The following OSBPL6 variants were observed in gnomAD, a reference collection of about 807,000 sequenced individuals.
OSBPL6 encodes oxysterol-binding protein-related protein 6.
In OSBPL6, 49 loss-of-function variants were observed where a neutral mutation model predicts 125.8. The observed-to-expected ratio is 0.39, with a 90% CI of 0.31 to 0.49. The LOEUF is 0.49. OSBPL6 is among the 20% of genes least tolerant of loss of function. The pLI, the probability that OSBPL6 is intolerant of heterozygous loss-of-function variation, is 0.88. For synonymous variants in OSBPL6, 394 were observed against 391.8 expected (o/e 1.01, Z -0.07); for missense variants, 986 against 1,135.4 (o/e 0.87, Z 1.89).
At chr2:178,315,980 C>G (rs1687703506) in intron 3 of OSBPL6, among the ~76,000 whole-genome samples, 1 of 152,170 alleles carries the variant, frequency 6.6e-6, no homozygotes, top group African/African-American at 2.4e-5. Context: ...CTTGGACAAA[C>G]AGAAAATCTT....
At chr2:178,300,967 A>C (rs1686222466) in intron 2 of OSBPL6, among the ~76,000 whole-genome samples, 1 of 152,142 alleles carries the variant, frequency 6.6e-6, no homozygotes, top group African/African-American at 2.4e-5. Context: ...AACAAAGAAG[A>C]ACCAAAAAAA....
At chr2:178,228,153 T>A (rs1364962889) in intron 1 of OSBPL6, among the ~76,000 whole-genome samples, 1 of 152,220 alleles carries the variant, frequency 6.6e-6, no homozygotes, top group Admixed American at 6.5e-5. Context: ...TACAAAGATA[T>A]TCCAAACAAA....
chr2:178,203,728 A>G (rs1210283418), intron 1 of OSBPL6, among the ~76,000 whole-genome samples: 1 of 152,202 alleles, frequency 6.6e-6, no homozygotes. Context: ...ATTTACTTAG[A>G]AATAGTTTCA....
Position 178,338,186 on chromosome 2 carries a change from G to T in OSBPL6, c.791-805G>T, listed in dbSNP as rs540717433. Among the ~76,000 whole-genome samples the T allele has an allele frequency of 9.5e-4, 145 of 152,072 alleles. 2 individuals carry two copies. The highest frequency in any genetic ancestry group is 2.0e-3 in the Admixed American group (30 of 15,268). On this transcript the variant is annotated intron_variant, in intron 9 of 24. Transcript: ENST00000190611. The stretch of plus-strand genomic sequence containing the variant: ...GACCTCAGGTCATCCTCCCACCTCT[G>T]CCTCCCGACGTGCTGGGATTACAGG...
chr2:178,336,071 T>A (rs1204943002), intron 8 of OSBPL6, among the ~76,000 whole-genome samples: 1 of 152,220 alleles, frequency 6.6e-6, no homozygotes, highest in Non-Finnish European at 1.5e-5. Flanking sequence ...ACAACACACT[T>A]AAATGTTGTC....
chr2:178,316,551 C>G (rs1574848535), intron 3 of OSBPL6, among the ~76,000 whole-genome samples: 1 of 152,094 alleles, frequency 6.6e-6, no homozygotes. Context: ...TTTCCAGATC[C>G]GTGGATTGAA....
intron 13 of OSBPL6, among the ~76,000 whole-genome samples, chr2:178,364,635 C>T (rs994716939): frequency 6.6e-6 from 1 of 152,026 alleles, no homozygotes; most frequent in Non-Finnish European, 1.5e-5. Flanking sequence ...GTTATTGTCC[C>T]CAAGGTGGGA....
At chr2:178,201,271 A>C (rs11891808) in intron 1 of OSBPL6, among the ~76,000 whole-genome samples, 2,701 of 152,320 alleles carry the variant, frequency 0.018, 77 homozygotes, top group African/African-American at 0.061. Flanking sequence ...ATTTTCATAG[A>C]AGCAACTCAA....
chr2:178,374,144 A>G, intron 15 of OSBPL6, 117 bp downstream of exon 15: 5 of 1,252,128 alleles, frequency 4.0e-6, no homozygotes, highest in East Asian at 2.4e-5. Context: ...TGTTTACATC[A>G]TAGTAAAATG....
At chr2:178,290,235 A>T (rs1469670218) in intron 2 of OSBPL6, among the ~76,000 whole-genome samples, 1 of 152,192 alleles carries the variant, frequency 6.6e-6, no homozygotes, top group Non-Finnish European at 1.5e-5. Context: ...AATACAGTTC[A>T]TATAGGAAGG....
At chr2:178,320,270 G>C (rs1688124708) in intron 3 of OSBPL6, 2 of 1,610,550 alleles carry the variant, frequency 1.2e-6, no homozygotes, top group Middle Eastern at 2.1e-4. Context: ...AGGAGGTATT[G>C]AGATCAATGA....
intron 3 of OSBPL6, among the ~76,000 whole-genome samples, chr2:178,307,413 G>A (rs1490346740): frequency 1.3e-5 from 2 of 152,150 alleles, no homozygotes; most frequent in Non-Finnish European, 2.9e-5. Context: ...AGATCCTAAG[G>A]CAGGTGTTTC....
intron 1 of OSBPL6, among the ~76,000 whole-genome samples, chr2:178,275,254 G>A (rs2092446585): frequency 6.6e-6 from 1 of 152,226 alleles, no homozygotes; most frequent in South Asian, 2.1e-4. Context: ...GCTTTCGCCT[G>A]TAATCCCAGC....
At chr2:178,374,104 CT>C in intron 15 of OSBPL6, 77 bp downstream of exon 15, 1 of 1,485,694 alleles carries the variant, frequency 6.7e-7, no homozygotes. Flanking sequence ...AACTGTGGAA[CT>C]TTTTGGTGAT....
At position 178,355,965 on chromosome 2, in the gene OSBPL6, A is replaced by C. The variant is rs13415221; in HGVS notation, c.1154-5717A>C. ...AATCAATAAACGTAATCCATCACAT[A>C]AACAGAATCAATGACAAAAACCACA... is the stretch of plus-strand genomic sequence containing the variant. On this transcript the variant is annotated intron_variant, in intron 12 of 24. Coordinates refer to ENST00000190611, the MANE Select transcript of OSBPL6 (RefSeq NM_032523.4). Among the ~76,000 whole-genome samples the C allele has an allele frequency of 9.7e-3, 1,485 of 152,358 alleles. 17 individuals carry two copies. Among genetic ancestry groups the C allele is most frequent in the African/African-American group, 0.034 (1,411 of 41,564 alleles).
At chr2:178,313,604 T>TA (rs1455681181) in intron 3 of OSBPL6, among the ~76,000 whole-genome samples, 1 of 152,134 alleles carries the variant, frequency 6.6e-6, no homozygotes, top group African/African-American at 2.4e-5. Context: ...ATATAAATAA[T>TA]AAAAAATAAA....
At chr2:178,385,260 AAAGG>A (rs1030910967) in intron 18 of OSBPL6, among the ~76,000 whole-genome samples, 194 bp from the exon 19 acceptor site, 1 of 152,204 alleles carries the variant, frequency 6.6e-6, no homozygotes, top group Non-Finnish European at 1.5e-5. Context: ...AGGAAGAAAG[AAAGG>A]AAGGAAGGAA....
Position 178,394,424 on chromosome 2 carries a change from A to G in OSBPL6, c.2685A>G (p.Pro895=). 6.2e-7 allele frequency: 1 copy of G among 1,607,862 alleles called. No individual in the cohort carries two copies. The highest frequency in any genetic ancestry group is 1.1e-5 in the South Asian group (1 of 89,248). Residue 895 remains proline, a synonymous_variant, in exon 24 of 25, where the codon CCA becomes CCG. Coordinates refer to ENST00000190611, the MANE Select transcript of OSBPL6 (RefSeq NM_032523.4). The stretch of plus-strand genomic sequence containing the variant: ...AAGAAAACAATCTTGAACATATACC[A>G]AAATTTTTTAAGTAAGTCAGTTAAC... ...YMEENNLEHI[P]KFFKKVIDAN...
At chr2:178,203,745 A>G (rs2089379347) in intron 1 of OSBPL6, among the ~76,000 whole-genome samples, 1 of 152,228 alleles carries the variant, frequency 6.6e-6, no homozygotes, top group Admixed American at 6.5e-5. Flanking sequence ...TTCACTCTTT[A>G]AGGTCTTGGC....
Sources: gnomAD v4.1 joint callset for allele counts (sites outside exome capture counted in the v4.1 genomes callset) on GRCh38, gnomAD v4.1.1 for gene constraint, MANE v1.5 for transcripts, NCBI Gene and HGNC (gene_info 2026-07-23, HGNC 2026-07-21) for gene names.